JMJD1C: variants seen among roughly 807,000 people sequenced by gnomAD.
The protein encoded by JMJD1C is jumonji domain-containing protein 1C.
JMJD1C carries 31 observed loss-of-function variants against 245.3 expected under a neutral mutation model. The observed-to-expected ratio is 0.13, with a 90% CI of 0.09 to 0.17. JMJD1C has a LOEUF of 0.17. Among genes scored for constraint, JMJD1C ranks in the 10% least tolerant of loss-of-function variants. The pLI is 1.00. For missense variants in JMJD1C, 2,691 were observed against 3,000.2 expected, an observed-to-expected ratio of 0.90 and a Z score of 2.41; for synonymous variants, 1,057 against 1,017.4, an observed-to-expected ratio of 1.04 and a Z score of -0.74.
At chr10:63,291,699 T>G (rs897641960) in intron 2 of JMJD1C, among the ~76,000 whole-genome samples, 1 of 151,904 alleles carries the variant, frequency 6.6e-6, no homozygotes, top group Non-Finnish European at 1.5e-5. Flanking sequence ...ATGATCACAG[T>G]GCACTATGGC....
chr10:63,291,318 A>G (rs1858677223), intron 2 of JMJD1C, among the ~76,000 whole-genome samples: 1 of 141,066 alleles, frequency 7.1e-6, no homozygotes, highest in Non-Finnish European at 1.5e-5. Flanking sequence ...CAGAAAAAAA[A>G]AAAAAAAAAA....
chr10:63,341,138 G>A (rs1035848706), intron 2 of JMJD1C, among the ~76,000 whole-genome samples: 9 of 152,214 alleles, frequency 5.9e-5, no homozygotes, highest in East Asian at 1.9e-4. Context: ...ATATCCATCC[G>A]GATGAGCTGA....
intron 3 of JMJD1C, among the ~76,000 whole-genome samples, chr10:63,241,806 T>TTTTTG: frequency 6.6e-6 from 1 of 152,304 alleles, no homozygotes; most frequent in East Asian, 1.9e-4. Context: ...AGGCAACAAA[T>TTTTTG]TTTTGTTTTG....
At chr10:63,426,071 C>CATTTA (rs1950421677) in intron 1 of JMJD1C, among the ~76,000 whole-genome samples, 1 of 152,098 alleles carries the variant, frequency 6.6e-6, no homozygotes. Flanking sequence ...AAGGATGTGA[C>CATTTA]ACAATGCATT....
At chr10:63,257,156 G>A (rs1199407496) in intron 3 of JMJD1C, among the ~76,000 whole-genome samples, 1 of 146,414 alleles carries the variant, frequency 6.8e-6, no homozygotes, top group East Asian at 2.0e-4. Context: ...AGAATCACTT[G>A]AACCAGGGAG....
At chr10:63,321,434 C>T (rs927963918) in intron 2 of JMJD1C, among the ~76,000 whole-genome samples, 1 of 152,162 alleles carries the variant, frequency 6.6e-6, no homozygotes, top group Non-Finnish European at 1.5e-5. Context: ...CTGACGCTAG[C>T]TGTAGGTAGA....
intron 2 of JMJD1C, among the ~76,000 whole-genome samples, chr10:63,339,782 C>T (rs531883813): frequency 2.0e-5 from 3 of 152,116 alleles, no homozygotes; most frequent in Non-Finnish European, 4.4e-5. Context: ...AAAAATTAGC[C>T]GGATGTGGTC....
At chr10:63,343,165 C>T (rs935612611) in intron 2 of JMJD1C, among the ~76,000 whole-genome samples, 2 of 151,978 alleles carry the variant, frequency 1.3e-5, no homozygotes, top group Admixed American at 6.6e-5. Flanking sequence ...AATTAAAGAC[C>T]AGCCTGGACA....
At chr10:63,221,957 G>T (rs1848650041) in intron 3 of JMJD1C, among the ~76,000 whole-genome samples, 1 of 152,094 alleles carries the variant, frequency 6.6e-6, no homozygotes, top group South Asian at 2.1e-4. Context: ...CCTGACCTCA[G>T]GTGATCCACC....
Position 63,207,489 on chromosome 10 carries a change from T to C in JMJD1C, c.4180A>G (p.Thr1394Ala), listed in dbSNP as rs139881253. The change falls in exon 10 of 26, where the codon ACC becomes GCC. Residue 1394 changes from threonine (T) to alanine (A), a missense_variant. Thr to Ala is a moderately conservative substitution (Grantham distance 58, BLOSUM62 0). This residue lies in a region of JMJD1C where 1,562 missense variants were observed against 1,490.7 expected (regional missense o/e 1.05). Transcript: ENST00000399262. ...GCAGATGTGATTACATCCGTTTTGG[T>C]ATTACACATCGTATTTACAGCAGAC... ...VMSAVNTMCN[T>A]KTDVITSAAD... 6.2e-7 allele frequency: 1 copy of C among 1,614,206 alleles called. No individual in the cohort carries two copies. The highest frequency in any genetic ancestry group is 2.2e-5 in the East Asian group (1 of 44,890).
intron 14 of JMJD1C, 106 bp downstream of exon 14, chr10:63,194,180 A>T: frequency 1.3e-6 from 1 of 748,784 alleles, no homozygotes; most frequent in Non-Finnish European, 2.4e-6. Context: ...ATTCAAAACT[A>T]GTTAAATCTC....
chr10:63,208,412 T>G lies in JMJD1C; in HGVS notation c.3257A>C (p.Gln1086Pro), dbSNP rs1846914162. The change falls in exon 10 of 26, where the codon CAG becomes CCG. Residue 1086 changes from glutamine (Q) to proline (P), a missense_variant. By Grantham distance (76) the Gln-to-Pro change is moderately conservative (BLOSUM62 -1). This residue lies in a region of JMJD1C where 1,562 missense variants were observed against 1,490.7 expected (regional missense o/e 1.05). Transcript: ENST00000399262. ...DLYKMKHSVP[Q>P]SLPQSNYFTT... is the part of the protein sequence containing the mutation. ...GAAATAGTTACTTTGGGGTAAACTCTGAGGCACTGAGTGCTTCATTTTATA... is the reference window on the plus strand; with the variant it reads ...GAAATAGTTACTTTGGGGTAAACTCGGAGGCACTGAGTGCTTCATTTTATA... 6.2e-7 allele frequency: 1 copy of G among 1,614,082 alleles called. No individual in the cohort carries two copies. The highest frequency in any genetic ancestry group is 8.5e-7 in the Non-Finnish European group (1 of 1,179,952).
chr10:63,189,557 G>A, intron 17 of JMJD1C, 111 bp from the exon 18 acceptor site: 1 of 847,296 alleles, frequency 1.2e-6, no homozygotes, highest in Non-Finnish European at 1.8e-6. Flanking sequence ...TCCACAATAT[G>A]CACTTCTCTT....
At chr10:63,272,546 C>T (rs959806444) in intron 2 of JMJD1C, among the ~76,000 whole-genome samples, 1 of 152,150 alleles carries the variant, frequency 6.6e-6, no homozygotes, top group African/African-American at 2.4e-5. Flanking sequence ...GCCACTGCTC[C>T]CAGCCAAGGT....
At chr10:63,414,938 GA>G (rs11438680) in intron 1 of JMJD1C, among the ~76,000 whole-genome samples, 44 of 142,106 alleles carry the variant, frequency 3.1e-4, no homozygotes, top group African/African-American at 9.6e-4. Context: ...CAACACTAGA[GA>G]AAAAAAAAAA....
intron 2 of JMJD1C, among the ~76,000 whole-genome samples, chr10:63,337,639 A>AAAAG (rs1564805006): frequency 1.0e-5 from 1 of 98,674 alleles, no homozygotes; most frequent in Non-Finnish European, 2.4e-5. Context: ...GAAAAGAAAA[A>AAAAG]AAATCCGCTA....
chr10:63,186,375 C>T lies in JMJD1C; in HGVS notation c.6579G>A (p.Val2193=). 6.2e-7 allele frequency: 1 copy of T among 1,605,152 alleles called. No individual in the cohort carries two copies. The highest frequency in any genetic ancestry group is 8.5e-7 in the Non-Finnish European group (1 of 1,175,968). ...KECWKQGQPA[V]VSGVHKKMNI... is the part of the protein sequence containing the mutation. ...TCATTTTCTTATGCACACCAGAAAC[C>T]ACTGCAGGCTTATAAATAGATAAAT... is the stretch of plus-strand genomic sequence containing the variant. The change falls in exon 19 of 26, where the codon GTG becomes GTA. Residue 2193 remains valine (V), a synonymous_variant. Transcript: ENST00000399262.
intron 2 of JMJD1C, among the ~76,000 whole-genome samples, chr10:63,316,904 G>A (rs911753399): frequency 6.6e-6 from 1 of 152,130 alleles, no homozygotes; most frequent in African/African-American, 2.4e-5. Context: ...GCCCAGGCTG[G>A]AGCCCACTGG....
At chr10:63,318,416 G>C (rs1034621196) in intron 2 of JMJD1C, among the ~76,000 whole-genome samples, 1 of 152,028 alleles carries the variant, frequency 6.6e-6, no homozygotes, top group Non-Finnish European at 1.5e-5. Context: ...GTTCATTTGA[G>C]TCTTTTTTAT....
Sources: gnomAD v4.1 joint callset for allele counts (sites outside exome capture counted in the v4.1 genomes callset) on GRCh38, gnomAD v4.1.1 for gene constraint, gnomAD v4.1.1 regional missense constraint, MANE v1.5 for transcripts, NCBI Gene and HGNC (gene_info 2026-07-23, HGNC 2026-07-21) for gene names.